CACNA1I: variants seen among roughly 807,000 people sequenced by gnomAD.
CACNA1I encodes voltage-dependent T-type calcium channel subunit alpha-1I.
Under a neutral mutation model 201.6 loss-of-function variants are expected in CACNA1I, and 74 were observed. That is an observed-to-expected ratio of 0.37 (90% CI 0.30 to 0.45). The LOEUF is 0.45. Ranked by LOEUF, CACNA1I falls within the 20% of genes least tolerant of loss-of-function variation. The pLI is 1.00. For missense variants in CACNA1I, 2,346 were observed against 3,138.1 expected, an observed-to-expected ratio of 0.75 and a Z score of 6.03; for synonymous variants, 1,431 against 1,345.2, an observed-to-expected ratio of 1.06 and a Z score of -1.40.
chr22:39,579,707 C>T (rs533049176), intron 1 of CACNA1I, among the ~76,000 whole-genome samples: 4 of 151,348 alleles, frequency 2.6e-5, no homozygotes, highest in East Asian at 3.9e-4. Context: ...AGTGCCATGG[C>T]GCGATCTCTG....
At position 39,599,164 on chromosome 22, in the gene CACNA1I, G is replaced by A. The variant is rs577647225; in HGVS notation, c.348+902G>A. On this transcript the variant is annotated intron_variant, in intron 2 of 36. Coordinates refer to ENST00000402142, the MANE Select transcript of CACNA1I (RefSeq NM_021096.4). Reference sequence around the variant, plus strand: ...GGGGTTTCACCATGTTAGCCAGGATGGTCTCAATCTCCTGACCTCGTGATC... The same window carrying A: ...GGGGTTTCACCATGTTAGCCAGGATAGTCTCAATCTCCTGACCTCGTGATC... 1.5e-3 allele frequency among the ~76,000 whole-genome samples: 227 copies of A among 147,570 alleles called. 2 individuals are homozygous for A. The highest frequency in any genetic ancestry group is 5.4e-3 in the African/African-American group (219 of 40,346).
Position 39,677,458 on chromosome 22 carries a change from G to A in CACNA1I, c.4933+39G>A. ...AGAGCAGGCCCGTGGTGGGGGTGCA[G>A]CAGGGCTGCAGGAGGAACTGGGGGG... On this transcript the variant is annotated intron_variant, in intron 30 of 36. Transcript: ENST00000402142. The surrounding 1 kb of genome is among the most constrained non-coding windows in gnomAD (Gnocchi z 4.8). 1 of 1,397,552 alleles carries A rather than the reference G, an allele frequency of 7.2e-7. No individual in the cohort carries two copies. Among genetic ancestry groups the A allele is most frequent in the Non-Finnish European group, 9.6e-7 (1 of 1,037,984 alleles). 86.6% of individuals were successfully genotyped at this position (1,397,552 alleles called of 1,614,324 possible). A position where few individuals can be genotyped will look rare whatever the true frequency, so the allele number is the denominator to read the frequency against.
chr22:39,579,741 G>T (rs1016706185), intron 1 of CACNA1I, among the ~76,000 whole-genome samples: 7 of 151,834 alleles, frequency 4.6e-5, no homozygotes, highest in Non-Finnish European at 1.0e-4. Flanking sequence ...CTGCCTTCCA[G>T]ATTCAAGCGA....
intron 5 of CACNA1I, among the ~76,000 whole-genome samples, chr22:39,640,588 T>TC (rs1934327453): frequency 6.6e-6 from 1 of 151,994 alleles, no homozygotes; most frequent in Non-Finnish European, 1.5e-5. Flanking sequence ...ATGTCCAGAC[T>TC]CCCGAGGGAG....
rs557357007 is a variant in CACNA1I, at chr22:39,665,409, T to C, written c.3852-89T>C. On this transcript the variant is annotated intron_variant, in intron 21 of 36. Transcript: ENST00000402142. This position sits in a 1 kb window ranked among gnomAD's most constrained non-coding sequence, Gnocchi z 5.5. ...AGCCCTGGGGACTCATGCCCTGGGA[T>C]ACTCAGCCCTGGTGACTCTGGGCTG... 12 of 1,502,184 alleles carry C rather than the reference T, an allele frequency of 8.0e-6. No individual in the cohort carries two copies. In the African/African-American group the frequency reaches 1.5e-4, roughly 19 times the overall value. 93.1% of individuals were successfully genotyped at this position (1,502,184 alleles called of 1,614,324 possible).
In CACNA1I at chr22:39,648,202, C is replaced by T. The variant is rs920802637; in HGVS notation, c.1567+276C>T. On this transcript the variant is annotated intron_variant, in intron 9 of 36. Transcript: ENST00000402142. The surrounding 1 kb of genome is among the most constrained non-coding windows in gnomAD (Gnocchi z 5.4). ...CTTGGGAGGCAAGCAGAAGAATGCA[C>T]GCTCAGAGCTGCCGCCCACCCGTCC... 1.3e-5 allele frequency among the ~76,000 whole-genome samples: 2 copies of T among 152,030 alleles called. No homozygotes were observed. The highest frequency in any genetic ancestry group is 4.8e-5 in the African/African-American group (2 of 41,416).
At chr22:39,668,440 G>T in intron 24 of CACNA1I, 59 bp downstream of exon 24, 1 of 1,151,538 alleles carries the variant, frequency 8.7e-7, no homozygotes, top group South Asian at 1.3e-5. Context: ...GTGTCCTTGG[G>T]GCCCAGTGGT....
chr22:39,597,182 G>A (rs560814458), intron 1 of CACNA1I, among the ~76,000 whole-genome samples: 99 of 152,320 alleles, frequency 6.5e-4, no homozygotes, highest in African/African-American at 2.0e-3. Flanking sequence ...TGGAGATCCC[G>A]TTGGGGAGAT....
In CACNA1I at chr22:39,661,962, C is replaced by A; in HGVS notation, c.2902-3C>A. On this transcript the variant is annotated splice_region_variant and splice_polypyrimidine_tract_variant and intron_variant, in intron 16 of 36. Coordinates refer to ENST00000402142, the MANE Select transcript of CACNA1I (RefSeq NM_021096.4). Reference sequence around the variant, plus strand: ...CGCTGACCCGAACGGGAACTCCTTCCAGTCCAGCTCCCGGAGCTCCTACTA... The same window carrying A: ...CGCTGACCCGAACGGGAACTCCTTCAAGTCCAGCTCCCGGAGCTCCTACTA... 2 of 1,516,726 alleles carry A rather than the reference C, an allele frequency of 1.3e-6. No individual in the cohort carries two copies. The highest frequency in any genetic ancestry group is 2.3e-5 in the Admixed American group (1 of 43,664). 94.0% of individuals were successfully genotyped at this position (1,516,726 alleles called of 1,614,324 possible). A position where few individuals can be genotyped will look rare whatever the true frequency, so the allele number is the denominator to read the frequency against.
chr22:39,661,079 C>A, intron 15 of CACNA1I, 29 bp from the exon 16 acceptor site: 1 of 1,576,062 alleles, frequency 6.3e-7, no homozygotes, highest in Non-Finnish European at 8.7e-7. Context: ...CCATCTGTCC[C>A]TCCCTCTGTC....
intron 6 of CACNA1I, among the ~76,000 whole-genome samples, chr22:39,642,153 G>A (rs1405835852): frequency 6.6e-6 from 1 of 152,130 alleles, no homozygotes; most frequent in Admixed American, 6.5e-5. Context: ...GGAGCATCAG[G>A]GTCATTTGTT....
At position 39,608,465 on chromosome 22, in the gene CACNA1I, T is replaced by C. The variant is rs147880012; in HGVS notation, c.482+7812T>C. On this transcript the variant is annotated intron_variant, in intron 3 of 36. Coordinates refer to ENST00000402142, the MANE Select transcript of CACNA1I (RefSeq NM_021096.4). ...AACATTTTTTAAAAAAGAATTTCTA[T>C]GATCATTAATAGTATTAATAAAGTA... Among the ~76,000 whole-genome samples the C allele has an allele frequency of 1.8e-3, 270 of 152,210 alleles. 6 individuals are homozygous for C. The highest frequency in any genetic ancestry group is 0.016 in the East Asian group (84 of 5,174).
chr22:39,643,076 G>A (rs1490838819), intron 7 of CACNA1I, among the ~76,000 whole-genome samples, 187 bp downstream of exon 7: 4 of 152,162 alleles, frequency 2.6e-5, no homozygotes, highest in South Asian at 2.1e-4. Flanking sequence ...CATCAGGGGC[G>A]GCTGTCGGGA....
At chr22:39,592,745 A>G (rs1401099015) in intron 1 of CACNA1I, among the ~76,000 whole-genome samples, 2 of 152,068 alleles carry the variant, frequency 1.3e-5, no homozygotes, top group East Asian at 3.9e-4. Flanking sequence ...CCCGAACCTC[A>G]CGGCTTCGCT....
At chr22:39,641,257 A>G in intron 6 of CACNA1I, 75 bp downstream of exon 6, 1 of 1,311,510 alleles carries the variant, frequency 7.6e-7, no homozygotes, top group Non-Finnish European at 1.1e-6. Context: ...GCTCTGTGCT[A>G]GGCATTTGCC....
At chr22:39,674,083 C>T (rs774489321) in intron 29 of CACNA1I, 50 bp downstream of exon 29, 36 of 1,556,820 alleles carry the variant, frequency 2.3e-5, no homozygotes, top group Non-Finnish European at 2.8e-5. Context: ...TGGTGTCAGG[C>T]TGGGCCCTGG....
intron 1 of CACNA1I, among the ~76,000 whole-genome samples, chr22:39,595,055 C>T (rs778815696): frequency 2.6e-5 from 4 of 152,028 alleles, no homozygotes; most frequent in East Asian, 1.9e-4. Context: ...TTTGGGAGGC[C>T]GAGGCAGGCG....
Position 39,674,027 on chromosome 22 carries a change from G to A in CACNA1I, c.4848G>A (p.Leu1616=). ...TGCTGGACACGGTGGTGCAAGCTTT[G>A]CCCCAGGTAAGAGCCACTCTTTCTG... is the stretch of plus-strand genomic sequence containing the variant. ...RALLDTVVQA[L]PQVGNLGLLF... is the part of the protein sequence containing the mutation. Residue 1616 remains leucine, a synonymous_variant, in exon 29 of 37, where the codon TTG becomes TTA. Transcript: ENST00000402142. 1.2e-6 allele frequency: 2 copies of A among 1,613,210 alleles called. No individual in the cohort carries two copies. The highest frequency in any genetic ancestry group is 1.7e-4 in the Middle Eastern group (1 of 6,048).
intron 7 of CACNA1I, among the ~76,000 whole-genome samples, chr22:39,643,949 G>A (rs1934411106): frequency 6.6e-6 from 1 of 152,250 alleles, no homozygotes; most frequent in Non-Finnish European, 1.5e-5. Context: ...CAGGCTCGTG[G>A]GGAAGATGGG....
Sources: gnomAD v4.1 joint callset for allele counts (sites outside exome capture counted in the v4.1 genomes callset) on GRCh38, gnomAD v4.1.1 for gene constraint, Gnocchi (gnomAD v3.1) non-coding constraint, MANE v1.5 for transcripts, NCBI Gene and HGNC (gene_info 2026-07-23, HGNC 2026-07-21) for gene names.